The following ENOPH1 variants were observed in gnomAD, a reference collection of about 807,000 sequenced individuals.
ENOPH1 encodes the protein enolase-phosphatase 1.
A neutral mutation model predicts 31.1 loss-of-function variants in ENOPH1; 14 were observed. The ratio of observed to expected loss-of-function variants is 0.45; its 90% CI spans 0.30 to 0.70. The LOEUF (loss-of-function observed/expected upper bound fraction) is 0.70. Among genes scored for constraint, ENOPH1 ranks in the 30% least tolerant of loss-of-function variants. The probability of loss-of-function intolerance (pLI) is 0.09; values close to 1 mark genes in which losing one functional copy is unlikely to be tolerated. For synonymous variants in ENOPH1, 127 were observed against 123.2 expected (o/e 1.03, Z -0.21); for missense variants, 243 against 321.5 (o/e 0.76, Z 1.87).
chr4:82,460,194 A>G lies in ENOPH1; in HGVS notation c.*74A>G. ...AGTGTCTAGGTTTATTCTAATGGTA[A>G]AAGTAACTTACTTAAAAAACATATG... On this transcript the variant is annotated 3_prime_UTR_variant, in exon 6 of 6. Coordinates refer to ENST00000273920, the MANE Select transcript of ENOPH1 (RefSeq NM_021204.5). 6.7e-7 allele frequency: 1 copy of G among 1,501,870 alleles called. No individual in the cohort carries two copies. 93.0% of individuals were successfully genotyped at this position (1,501,870 alleles called of 1,614,324 possible).
chr4:82,447,860 C>T (rs967950712), intron 1 of ENOPH1, 60 bp from the exon 2 acceptor site: 11 of 1,011,138 alleles, frequency 1.1e-5, no homozygotes, highest in East Asian at 2.6e-5. Context: ...TGTGGAAGAA[C>T]TGGATCTTTT....
intron 1 of ENOPH1, among the ~76,000 whole-genome samples, chr4:82,434,919 A>T (rs1312327820): frequency 6.6e-6 from 1 of 151,710 alleles, no homozygotes; most frequent in South Asian, 2.1e-4. Flanking sequence ...AAAAAAAAAA[A>T]GTATATGGTA....
chr4:82,457,432 T>G (rs143141517), intron 5 of ENOPH1, among the ~76,000 whole-genome samples: 162 of 152,216 alleles, frequency 1.1e-3, no homozygotes, highest in Admixed American at 1.9e-3. Context: ...GGGCATCAGG[T>G]GAGCCCAGGA....
chr4:82,452,892 G>A (rs1722386835), intron 3 of ENOPH1, among the ~76,000 whole-genome samples: 1 of 148,922 alleles, frequency 6.7e-6, no homozygotes. Flanking sequence ...CAGGCCTGCT[G>A]AGAAATTCTT....
chr4:82,450,982 T>C (rs1722331199), intron 2 of ENOPH1, 61 bp from the exon 3 acceptor site: 2 of 1,490,030 alleles, frequency 1.3e-6, no homozygotes, highest in East Asian at 4.5e-5. Context: ...TTGGGTCTCG[T>C]TTTAAATGAC....
At chr4:82,432,843 C>T (rs1170572860) in intron 1 of ENOPH1, among the ~76,000 whole-genome samples, 1 of 152,170 alleles carries the variant, frequency 6.6e-6, no homozygotes, top group Non-Finnish European at 1.5e-5. Context: ...GGTCTGACCT[C>T]AGGTAATCCT....
At position 82,460,339 on chromosome 4, in the gene ENOPH1, A is replaced by C. The variant is rs767584919; in HGVS notation, c.*219A>C. ...ACTTATTTAAAGATGCTTTATATGT[A>C]GAAATTGTTTCAAATCATACTCTAA... On this transcript the variant is annotated 3_prime_UTR_variant, in exon 6 of 6. Coordinates refer to ENST00000273920, the MANE Select transcript of ENOPH1 (RefSeq NM_021204.5). 9 of 441,240 alleles carry C rather than the reference A, an allele frequency of 2.0e-5. No homozygotes were observed. The highest frequency in any genetic ancestry group is 3.9e-5 in the Admixed American group (1 of 25,480). 27.3% of individuals were successfully genotyped at this position (441,240 alleles called of 1,614,324 possible).
At chr4:82,452,082 A>G (rs74950035) in intron 3 of ENOPH1, among the ~76,000 whole-genome samples, 1 of 142,052 alleles carries the variant, frequency 7.0e-6, no homozygotes, top group African/African-American at 2.6e-5. Flanking sequence ...TACCTGGCCT[A>G]TTTTTTTTTT....
chr4:82,430,637 C>G lies in ENOPH1; in HGVS notation c.-193C>G, dbSNP rs1721707544. 1 of 576,084 alleles carries G rather than the reference C, an allele frequency of 1.7e-6. No individual in the cohort carries two copies. The highest frequency in any genetic ancestry group is 1.9e-5 in the African/African-American group (1 of 52,194). 35.7% of individuals were successfully genotyped at this position (576,084 alleles called of 1,614,324 possible). ...TGCTCACGAGTTCAGGGCTCCTGGG[C>G]GGCCGCCTTTTCCAGTTCCAGGTGT... On this transcript the variant is annotated 5_prime_UTR_variant, in exon 1 of 6. Transcript: ENST00000273920.
At chr4:82,453,587 C>T (rs918085414) in intron 3 of ENOPH1, among the ~76,000 whole-genome samples, 2 of 152,192 alleles carry the variant, frequency 1.3e-5, no homozygotes, top group African/African-American at 2.4e-5. Context: ...GTTTTGAATA[C>T]GTTGATCTCT....
intron 1 of ENOPH1, among the ~76,000 whole-genome samples, chr4:82,446,489 G>A (rs997872023): frequency 1.3e-5 from 2 of 151,904 alleles, no homozygotes; most frequent in Admixed American, 6.6e-5. Flanking sequence ...GCAATCCTCC[G>A]ATGACTTTGC....
In ENOPH1 at chr4:82,454,858, G is replaced by A. The variant is rs1230772644; in HGVS notation, c.522+4G>A. On this transcript the variant is annotated splice_donor_region_variant and intron_variant, in intron 4 of 5. Coordinates refer to ENST00000273920, the MANE Select transcript of ENOPH1 (RefSeq NM_021204.5). ...TACGGAGGGAGATATTCTTGAGGTAGGTTACCTAGTTTACTTTGTTGTTTT... is the reference window on the plus strand; with the variant it reads ...TACGGAGGGAGATATTCTTGAGGTAAGTTACCTAGTTTACTTTGTTGTTTT... The A allele has an allele frequency of 1.9e-6, 3 of 1,608,798 alleles. No individual in the cohort carries two copies. The African/African-American group carries it at 4.0e-5, about 22-fold the overall frequency.
intron 1 of ENOPH1, among the ~76,000 whole-genome samples, chr4:82,446,899 G>T (rs1186541091): frequency 2.0e-5 from 3 of 149,610 alleles, no homozygotes; most frequent in Non-Finnish European, 3.0e-5. Context: ...GTAGAGACGG[G>T]GTTTCACCTT....
intron 2 of ENOPH1, 95 bp from the exon 3 acceptor site, chr4:82,450,948 G>T: frequency 1.0e-6 from 1 of 966,864 alleles, no homozygotes. Flanking sequence ...GGCTAATGAT[G>T]GAGAAAGTTG....
At chr4:82,453,755 A>G (rs984395067) in intron 3 of ENOPH1, among the ~76,000 whole-genome samples, 7 of 152,114 alleles carry the variant, frequency 4.6e-5, no homozygotes, top group African/African-American at 1.2e-4. Context: ...AATTTCCTCC[A>G]TGACTATGGA....
chr4:82,447,854 G>A (rs1341922467), intron 1 of ENOPH1, 66 bp from the exon 2 acceptor site: 1 of 936,440 alleles, frequency 1.1e-6, no homozygotes, highest in African/African-American at 1.7e-5. Context: ...TAAGATTGTG[G>A]AAGAACTGGA....
intron 2 of ENOPH1, among the ~76,000 whole-genome samples, chr4:82,450,475 C>T (rs955368479): frequency 6.6e-5 from 10 of 152,142 alleles, no homozygotes; most frequent in Admixed American, 3.9e-4. Context: ...TACATAGTCC[C>T]CCATTATTGT....
At chr4:82,455,190 T>C (rs1257390566) in intron 4 of ENOPH1, among the ~76,000 whole-genome samples, 1 of 152,186 alleles carries the variant, frequency 6.6e-6, no homozygotes, top group Non-Finnish European at 1.5e-5. Context: ...ATAGATTTCA[T>C]TTAAGAAGAA....
rs1357218036 is a variant in ENOPH1 at position 82,459,893 on chromosome 4, C to T, written c.647-88C>T. ...TCAGGGCCAAATTCATTTCTTCCAT[C>T]CCCACATCCCCCTGCTGACTTTGCT... On this transcript the variant is annotated intron_variant, in intron 5 of 5. Transcript: ENST00000273920. 8.2e-6 allele frequency: 12 copies of T among 1,455,194 alleles called. No individual in the cohort carries two copies. In the East Asian group the frequency reaches 2.5e-4, roughly 30 times the overall value. The allele number at this position is 1,455,194 out of a possible 1,614,324, so 90.1% of individuals were successfully genotyped here.
Sources: gnomAD v4.1 joint callset for allele counts (sites outside exome capture counted in the v4.1 genomes callset) on GRCh38, gnomAD v4.1.1 for gene constraint, MANE v1.5 for transcripts, NCBI Gene and HGNC (gene_info 2026-07-23, HGNC 2026-07-21) for gene names.